Variants in DOCK3 observed in about 807,000 individuals in gnomAD.
DOCK3 encodes dedicator of cytokinesis protein 3.
DOCK3 carries 60 observed loss-of-function variants against 265.6 expected under a neutral mutation model. The observed-to-expected ratio is 0.23, with a 90% CI of 0.18 to 0.28. The LOEUF (loss-of-function observed/expected upper bound fraction) is 0.28, where lower values mean the gene tolerates loss of function less well. Ranked by LOEUF, DOCK3 falls within the 10% of genes least tolerant of loss-of-function variation. DOCK3 has a pLI of 1.00. For synonymous variants in DOCK3, 881 were observed against 938.0 expected, an observed-to-expected ratio of 0.94 and a Z score of 1.11; for missense variants, 1,981 against 2,594.3, an observed-to-expected ratio of 0.76 and a Z score of 5.14.
At chr3:51,357,662 G>A in intron 44 of DOCK3, 96 bp from the exon 45 acceptor site, 1 of 1,216,652 alleles carries the variant, frequency 8.2e-7, no homozygotes, top group Non-Finnish European at 1.2e-6. Flanking sequence ...CAGCCTGGCT[G>A]CTTTTTAGGT....
intron 27 of DOCK3, among the ~76,000 whole-genome samples, chr3:51,304,517 A>C (rs1202018493): frequency 6.6e-6 from 1 of 151,934 alleles, no homozygotes; most frequent in Non-Finnish European, 1.5e-5. Context: ...ACTTGGGGGG[A>C]ACTCAGTTGT....
At chr3:50,907,196 G>A (rs1445176197) in intron 4 of DOCK3, among the ~76,000 whole-genome samples, 1 of 152,128 alleles carries the variant, frequency 6.6e-6, no homozygotes, top group South Asian at 2.1e-4. Context: ...TTTGGAATAA[G>A]TGTGACGTGG....
At chr3:50,767,844 A>G (rs1182418714) in intron 1 of DOCK3, among the ~76,000 whole-genome samples, 1 of 152,006 alleles carries the variant, frequency 6.6e-6, no homozygotes, top group East Asian at 1.9e-4. Flanking sequence ...CATCCCTTGT[A>G]AGTTGTATTC....
At chr3:51,256,099 C>T (rs1212566894) in intron 22 of DOCK3, among the ~76,000 whole-genome samples, 1 of 152,180 alleles carries the variant, frequency 6.6e-6, no homozygotes. Context: ...AGTCAGGACC[C>T]TCAGCTGCAG....
At chr3:51,336,953 G>C (rs1456680734) in intron 35 of DOCK3, 2 of 451,370 alleles carry the variant, frequency 4.4e-6, no homozygotes, top group Non-Finnish European at 8.9e-6. Flanking sequence ...TTCTACCATT[G>C]TGTGGGTTGC....
chr3:51,207,565 T>C (rs2089283921), intron 12 of DOCK3, among the ~76,000 whole-genome samples: 1 of 152,152 alleles, frequency 6.6e-6, no homozygotes, highest in South Asian at 2.1e-4. Context: ...TGAGATATAT[T>C]TTTATGGCCA....
At chr3:50,936,933 C>G (rs546501983) in intron 5 of DOCK3, among the ~76,000 whole-genome samples, 52 of 152,158 alleles carry the variant, frequency 3.4e-4, no homozygotes, top group Non-Finnish European at 6.6e-4. Flanking sequence ...TAATACAAAG[C>G]AAAAATTATA....
intron 2 of DOCK3, among the ~76,000 whole-genome samples, chr3:50,807,360 T>G (rs1227400833): frequency 1.3e-5 from 2 of 151,728 alleles, no homozygotes; most frequent in Non-Finnish European, 2.9e-5. Flanking sequence ...GGCTCAATCT[T>G]TTAACAACCA....
intron 5 of DOCK3, among the ~76,000 whole-genome samples, chr3:50,970,886 AATTTTTATAT>A (rs1294215223): frequency 1.1e-4 from 4 of 37,082 alleles, no homozygotes; most frequent in Non-Finnish European, 2.0e-4. Flanking sequence ...ACACTCATCT[AATTTTTATAT>A]ATATATATAT....
intron 1 of DOCK3, among the ~76,000 whole-genome samples, chr3:50,718,591 A>G (rs2037273525): frequency 6.6e-6 from 1 of 151,936 alleles, no homozygotes; most frequent in Admixed American, 6.6e-5. Flanking sequence ...TTGTTAAAGT[A>G]TTTTTCATCC....
chr3:50,681,212 A>G (rs1160960035), intron 1 of DOCK3, among the ~76,000 whole-genome samples: 2 of 152,248 alleles, frequency 1.3e-5, no homozygotes, highest in African/African-American at 4.8e-5. Context: ...AATTGTAAAC[A>G]TGGCACCTAT....
chr3:50,923,327 C>T (rs1358297614), intron 4 of DOCK3, among the ~76,000 whole-genome samples: 1 of 152,106 alleles, frequency 6.6e-6, no homozygotes, highest in Non-Finnish European at 1.5e-5. Flanking sequence ...ACTTTTAGTT[C>T]TTTAAGGACA....
intron 2 of DOCK3, among the ~76,000 whole-genome samples, chr3:50,821,453 C>T (rs1464402255): frequency 6.6e-6 from 1 of 152,020 alleles, no homozygotes; most frequent in Non-Finnish European, 1.5e-5. Flanking sequence ...GTGACCGCCA[C>T]CACACCCGGC....
chr3:51,105,635 T>C (rs565211605), intron 9 of DOCK3, among the ~76,000 whole-genome samples: 1 of 152,212 alleles, frequency 6.6e-6, no homozygotes, highest in Non-Finnish European at 1.5e-5. Context: ...CTTGAAAGCA[T>C]TATGTTGTGT....
intron 6 of DOCK3, among the ~76,000 whole-genome samples, chr3:51,075,001 C>A (rs943429108): frequency 7.2e-5 from 11 of 152,110 alleles, no homozygotes; most frequent in Admixed American, 5.9e-4. Flanking sequence ...ATAACTAAAC[C>A]TTGAGCATAG....
At chr3:51,267,530 G>T (rs772248977) in intron 23 of DOCK3, among the ~76,000 whole-genome samples, 3 of 151,818 alleles carry the variant, frequency 2.0e-5, no homozygotes, top group Non-Finnish European at 2.9e-5. Context: ...GATTACAGGC[G>T]CATGCCACCA....
At chr3:51,210,107 A>C (rs1401095191) in intron 13 of DOCK3, among the ~76,000 whole-genome samples, 1 of 152,200 alleles carries the variant, frequency 6.6e-6, no homozygotes, top group East Asian at 1.9e-4. Context: ...CCTTGACTAC[A>C]CGTTCGTGGG....
At chr3:51,129,612 G>C (rs1210693530) in intron 9 of DOCK3, among the ~76,000 whole-genome samples, 1 of 152,154 alleles carries the variant, frequency 6.6e-6, no homozygotes, top group African/African-American at 2.4e-5. Context: ...AGGTCGCATG[G>C]TGACTTAACC....
At chr3:51,125,136 A>C (rs1380986376) in intron 9 of DOCK3, among the ~76,000 whole-genome samples, 1 of 152,180 alleles carries the variant, frequency 6.6e-6, no homozygotes, top group African/African-American at 2.4e-5. Context: ...ATAAATAAAT[A>C]AATAGCCATA....
Sources: allele counts gnomAD v4.1 joint callset (sites outside exome capture counted in the v4.1 genomes callset), GRCh38; gene constraint gnomAD v4.1.1; transcripts MANE v1.5; gene names NCBI Gene and HGNC (gene_info 2026-07-23, HGNC 2026-07-21).